The following OSBPL1A variants were observed in gnomAD, a reference collection of about 807,000 sequenced individuals.
OSBPL1A encodes oxysterol-binding protein-related protein 1.
OSBPL1A carries 80 observed loss-of-function variants against 137.1 expected under a neutral mutation model. The observed-to-expected ratio is 0.58, with a 90% CI of 0.49 to 0.70. OSBPL1A has a LOEUF of 0.70. Among genes scored for constraint, OSBPL1A ranks in the 30% least tolerant of loss-of-function variants. The pLI, the probability that OSBPL1A is intolerant of heterozygous loss-of-function variation, is 0.00. For missense variants in OSBPL1A, 970 were observed against 1,129.4 expected (o/e 0.86, Z 2.02); for synonymous variants, 365 against 389.7 (o/e 0.94, Z 0.75).
chr18:24,227,136 G>A (rs1223188014), intron 16 of OSBPL1A, among the ~76,000 whole-genome samples: 5 of 151,944 alleles, frequency 3.3e-5, no homozygotes, highest in Admixed American at 3.3e-4. Flanking sequence ...CAGGTGATCT[G>A]CCCACCTCAG....
chr18:24,390,193 G>A (rs1164943962), intron 1 of OSBPL1A, among the ~76,000 whole-genome samples: 1 of 152,110 alleles, frequency 6.6e-6, no homozygotes, highest in African/African-American at 2.4e-5. Context: ...AAACATCAGA[G>A]AAGTATGGGG....
chr18:24,207,807 A>T (rs1157591898), intron 17 of OSBPL1A, among the ~76,000 whole-genome samples: 1 of 152,104 alleles, frequency 6.6e-6, no homozygotes, highest in African/African-American at 2.4e-5. Flanking sequence ...ATGCAGTGGC[A>T]CAGTCTTGGC....
At chr18:24,384,659 C>CA (rs1001013492) in intron 1 of OSBPL1A, among the ~76,000 whole-genome samples, 2 of 152,018 alleles carry the variant, frequency 1.3e-5, no homozygotes, top group Non-Finnish European at 2.9e-5. Flanking sequence ...CACCTGAGGT[C>CA]AGGAGTTCCG....
At chr18:24,181,002 G>T in intron 19 of OSBPL1A, 143 bp downstream of exon 19, 1 of 983,750 alleles carries the variant, frequency 1.0e-6, no homozygotes, top group Non-Finnish European at 1.5e-6. Context: ...CCAGAGGACA[G>T]TCCAGACATG....
At chr18:24,190,156 A>C (rs2086850465) in intron 18 of OSBPL1A, among the ~76,000 whole-genome samples, 1 of 152,148 alleles carries the variant, frequency 6.6e-6, no homozygotes, top group Non-Finnish European at 1.5e-5. Flanking sequence ...CCTACACAGG[A>C]ATGTGGAGAA....
At chr18:24,328,592 A>G (rs1008182140) in intron 7 of OSBPL1A, among the ~76,000 whole-genome samples, 20 of 152,188 alleles carry the variant, frequency 1.3e-4, no homozygotes, top group African/African-American at 4.8e-4. Flanking sequence ...CCAGACGGAC[A>G]AGAAAGACAA....
At chr18:24,241,207 T>C (rs1287363522) in intron 15 of OSBPL1A, among the ~76,000 whole-genome samples, 1 of 152,154 alleles carries the variant, frequency 6.6e-6, no homozygotes, top group African/African-American at 2.4e-5. Flanking sequence ...ATTCAGGACA[T>C]AGGCATGGGC....
At chr18:24,366,807 G>T in intron 4 of OSBPL1A, 85 bp downstream of exon 4, 1 of 1,345,568 alleles carries the variant, frequency 7.4e-7, no homozygotes. Context: ...TCGGTTGCTG[G>T]TCAGATGGTT....
intron 17 of OSBPL1A, among the ~76,000 whole-genome samples, chr18:24,220,256 CTTCCTTTACTA>C (rs2087845535): frequency 6.6e-6 from 1 of 152,230 alleles, no homozygotes; most frequent in South Asian, 2.1e-4. Flanking sequence ...CAAGCATCTT[CTTCCTTTACTA>C]TTCCTCTGAA....
chr18:24,377,149 A>G (rs1906236637), intron 2 of OSBPL1A, among the ~76,000 whole-genome samples: 1 of 152,222 alleles, frequency 6.6e-6, no homozygotes. Flanking sequence ...GTCACCTCTC[A>G]ATAGGATGTA....
intron 7 of OSBPL1A, among the ~76,000 whole-genome samples, chr18:24,327,710 G>A (rs762198902): frequency 4.3e-4 from 66 of 151,932 alleles, no homozygotes; most frequent in Non-Finnish European, 6.9e-4. Context: ...CTCCTGGCCT[G>A]ATTTTTTTAA....
At chr18:24,296,809 C>T (rs894973355) in intron 14 of OSBPL1A, among the ~76,000 whole-genome samples, 1 of 152,178 alleles carries the variant, frequency 6.6e-6, no homozygotes, top group African/African-American at 2.4e-5. Flanking sequence ...TATTTATTGA[C>T]TTGCATATAT....
At chr18:24,191,415 T>TC (rs1461859628) in intron 18 of OSBPL1A, among the ~76,000 whole-genome samples, 1 of 152,230 alleles carries the variant, frequency 6.6e-6, no homozygotes, top group Non-Finnish European at 1.5e-5. Context: ...AAGCTCTCAA[T>TC]CCTGGCATCT....
intron 18 of OSBPL1A, among the ~76,000 whole-genome samples, chr18:24,192,431 T>G (rs939348377): frequency 3.3e-5 from 5 of 152,190 alleles, no homozygotes; most frequent in African/African-American, 1.2e-4. Context: ...AGCCGGAGAT[T>G]TGTTTGTTTG....
chr18:24,315,733 T>C (rs1395457735), intron 11 of OSBPL1A, among the ~76,000 whole-genome samples: 1 of 121,322 alleles, frequency 8.2e-6, no homozygotes, highest in African/African-American at 3.3e-5. Context: ...TAATATATTA[T>C]ATAATAAAAT....
intron 17 of OSBPL1A, 122 bp downstream of exon 17, chr18:24,224,920 T>C (rs993948045): frequency 8.1e-7 from 1 of 1,239,680 alleles, no homozygotes; most frequent in African/African-American, 1.5e-5. Context: ...TTCTTTGAGG[T>C]GATATAGCAA....
intron 4 of OSBPL1A, chr18:24,358,617 TACATAA>T: frequency 1.5e-6 from 1 of 671,704 alleles, no homozygotes. Flanking sequence ...AGGCCTTCAA[TACATAA>T]ACATGAGAAA....
chr18:24,255,448 T>C (rs1007409972), intron 15 of OSBPL1A, among the ~76,000 whole-genome samples: 1 of 152,156 alleles, frequency 6.6e-6, no homozygotes, highest in African/African-American at 2.4e-5. Context: ...TGCCTCCCAC[T>C]CTATTCAAAG....
intron 14 of OSBPL1A, chr18:24,302,682 A>C (rs560918749): frequency 6.6e-6 from 1 of 152,338 alleles, no homozygotes; most frequent in East Asian, 1.9e-4. Flanking sequence ...CGGCCTCCCA[A>C]AGTGCCAGGA....
Sources: gnomAD v4.1 joint callset for allele counts (sites outside exome capture counted in the v4.1 genomes callset) on GRCh38, gnomAD v4.1.1 for gene constraint, MANE v1.5 for transcripts, NCBI Gene and HGNC (gene_info 2026-07-23, HGNC 2026-07-21) for gene names.